Variants in DLC1 observed in about 807,000 individuals in gnomAD.
DLC1 encodes the protein DLC1 Rho GTPase activating protein, also known as rho GTPase-activating protein 7.
A neutral mutation model predicts 140.3 loss-of-function variants in DLC1; 54 were observed. The observed-to-expected ratio is 0.38, with a 90% CI of 0.31 to 0.48. The LOEUF is 0.48. Among genes scored for constraint, DLC1 ranks in the 20% least tolerant of loss-of-function variants. The probability of loss-of-function intolerance (pLI) is 0.96; values close to 1 mark genes in which losing one functional copy is unlikely to be tolerated. For synonymous variants in DLC1, 986 were observed against 728.1 expected (o/e 1.35, Z -5.70); for missense variants, 2,536 against 1,907.0 (o/e 1.33, Z -6.14).
In DLC1 at chr8:13,401,488, G is replaced by T. The variant is rs762188262; in HGVS notation, c.1155C>A (p.Asn385Lys). Residue 385 changes from asparagine to lysine, a missense_variant, in exon 3 of 18, where the codon AAC becomes AAA. Asn to Lys is a moderately conservative substitution (Grantham distance 94). Coordinates refer to ENST00000276297, the MANE Select transcript of DLC1 (RefSeq NM_182643.3). ...AGCTCACAGGAACGTGCCGCCGCAGGTTTGTTGGTGTGCCTGATGGAGAGG... is the reference window on the plus strand; with the variant it reads ...AGCTCACAGGAACGTGCCGCCGCAGTTTTGTTGGTGTGCCTGATGGAGAGG... ...TSSSPSGTPTNLRRHVPDLES... is the reference protein window; with the variant it reads ...TSSSPSGTPTKLRRHVPDLES... 7.4e-6 allele frequency: 12 copies of T among 1,612,422 alleles called. No individual in the cohort carries two copies. Among genetic ancestry groups the T allele is most frequent in the South Asian group, 1.1e-5 (1 of 91,004 alleles).
intron 3 of DLC1, among the ~76,000 whole-genome samples, chr8:13,394,148 C>G (rs368805193): frequency 6.6e-6 from 1 of 152,226 alleles, no homozygotes; most frequent in African/African-American, 2.4e-5. Context: ...ACCTCAATCT[C>G]TTCTATGTTC....
chr8:13,094,770 T>C lies in DLC1; in HGVS notation c.3515A>G (p.Gln1172Arg), dbSNP rs1393766506. 4.3e-6 allele frequency: 7 copies of C among 1,614,196 alleles called. No homozygotes were observed. The highest frequency in any genetic ancestry group is 1.1e-5 in the South Asian group (1 of 91,092). Residue 1172 changes from glutamine (Q) to arginine (R), a missense_variant, in exon 12 of 18, where the codon CAG becomes CGG. Coordinates refer to ENST00000276297, the MANE Select transcript of DLC1 (RefSeq NM_182643.3). ...CAAAGGACACTCACATTGGTAGATC[T>C]GTAGAAAGGTTTCCGAGAGTTTGTT... The part of the protein sequence containing the change: ...MTNKLSETFL[Q>R]IYQYVPKDQR...
chr8:13,339,946 G>A (rs995167157), intron 4 of DLC1: 1 of 152,168 alleles, frequency 6.6e-6, no homozygotes, highest in East Asian at 1.9e-4. Context: ...TAAAATTCCT[G>A]CCATAATCCT....
At chr8:13,530,936 C>T (rs1014512649) in intron 1 of DLC1, among the ~76,000 whole-genome samples, 1 of 152,126 alleles carries the variant, frequency 6.6e-6, no homozygotes, top group African/African-American at 2.4e-5. Context: ...CATGCTGAAG[C>T]TTTAATCCCC....
In DLC1 at chr8:13,562,035, C is replaced by T. The variant is rs145090017; in HGVS notation, c.-126+42502G>A. ...GAGTTACGGGTAGGTTGAAGGTATGCCAAAAAAGGAGATAGAACAGGGGAT... is the reference window on the plus strand; with the variant it reads ...GAGTTACGGGTAGGTTGAAGGTATGTCAAAAAAGGAGATAGAACAGGGGAT... On this transcript the variant is annotated intron_variant, in intron 1 of 1. Transcript: ENST00000631382. Among the ~76,000 whole-genome samples the T allele has an allele frequency of 1.2e-3, 188 of 151,886 alleles. 1 individual carries two copies. The highest frequency in any genetic ancestry group is 4.3e-3 in the African/African-American group (178 of 41,426).
chr8:13,412,728 T>C (rs1012820273), intron 2 of DLC1, among the ~76,000 whole-genome samples: 2 of 151,800 alleles, frequency 1.3e-5, no homozygotes, highest in African/African-American at 4.8e-5. Context: ...GGTCAGGAGA[T>C]AGAGACCTCC....
chr8:13,399,635 G>T (rs1837210970), intron 3 of DLC1, among the ~76,000 whole-genome samples: 1 of 152,100 alleles, frequency 6.6e-6, no homozygotes, highest in Admixed American at 6.6e-5. Context: ...GGCTTGCAAA[G>T]GAGAAAACCA....
chr8:13,156,081 G>C (rs1240066450), intron 5 of DLC1, among the ~76,000 whole-genome samples: 1 of 152,040 alleles, frequency 6.6e-6, no homozygotes, highest in Non-Finnish European at 1.5e-5. Flanking sequence ...TAATCAGCAA[G>C]GTACATCAAC....
intron 2 of DLC1, among the ~76,000 whole-genome samples, chr8:13,493,019 G>T (rs189068882): frequency 6.6e-6 from 1 of 152,288 alleles, no homozygotes; most frequent in Non-Finnish European, 1.5e-5. Flanking sequence ...GAATATGTTG[G>T]ATAAGAACTG....
At chr8:13,581,852 TG>T (rs1179819755) in intron 1 of DLC1, among the ~76,000 whole-genome samples, 7 of 152,168 alleles carry the variant, frequency 4.6e-5, no homozygotes, top group Non-Finnish European at 7.3e-5. Context: ...TTTTCGGTTT[TG>T]TTTTCCTATC....
chr8:13,459,328 C>G (rs909205755), intron 2 of DLC1, among the ~76,000 whole-genome samples: 1 of 152,136 alleles, frequency 6.6e-6, no homozygotes, highest in Non-Finnish European at 1.5e-5. Flanking sequence ...TTCTCTGGAT[C>G]TATCCCAATG....
chr8:13,166,450 C>A (rs1452953588), intron 5 of DLC1, among the ~76,000 whole-genome samples: 1 of 152,152 alleles, frequency 6.6e-6, no homozygotes, highest in African/African-American at 2.4e-5. Flanking sequence ...AAGCTATTCT[C>A]CTGCCTCAAC....
intron 2 of DLC1, among the ~76,000 whole-genome samples, chr8:13,479,619 A>G (rs1041312383): frequency 4.6e-5 from 7 of 152,038 alleles, no homozygotes; most frequent in African/African-American, 1.7e-4. Context: ...TAGGGAGGAA[A>G]AATATCTTGA....
At chr8:13,314,559 C>G (rs1421900269) in intron 4 of DLC1, among the ~76,000 whole-genome samples, 1 of 152,058 alleles carries the variant, frequency 6.6e-6, no homozygotes, top group South Asian at 2.1e-4. Context: ...CAATTATATT[C>G]AAATATAAGC....
intron 4 of DLC1, among the ~76,000 whole-genome samples, chr8:13,353,831 T>G (rs1315689073): frequency 6.7e-6 from 1 of 150,204 alleles, no homozygotes; most frequent in Non-Finnish European, 1.5e-5. Context: ...CACTCCAGCC[T>G]GGGGGACAAG....
rs1832371966 is a variant in DLC1, at chr8:13,305,211, A to G, written c.1348+58T>C. On this transcript the variant is annotated intron_variant, in intron 5 of 17. Transcript: ENST00000276297. ...TATATTTAATAAAATGCCTATTTTAAGGTGAAATTTATTCTAAAATAGATT... is the reference window on the plus strand; with the variant it reads ...TATATTTAATAAAATGCCTATTTTAGGGTGAAATTTATTCTAAAATAGATT... 4 of 1,592,228 alleles carry G rather than the reference A, an allele frequency of 2.5e-6. No homozygotes were observed. The Admixed American group carries it at 5.3e-5, about 21-fold the overall frequency.
At chr8:13,370,893 C>G (rs1359179057) in intron 4 of DLC1, among the ~76,000 whole-genome samples, 3 of 152,156 alleles carry the variant, frequency 2.0e-5, no homozygotes, top group Non-Finnish European at 4.4e-5. Context: ...CTACTCCCCA[C>G]CACAACACAG....
chr8:13,338,506 T>C (rs1485409757), intron 4 of DLC1: 1 of 152,162 alleles, frequency 6.6e-6, no homozygotes, highest in Non-Finnish European at 1.5e-5. Context: ...ATATTACATA[T>C]TATAAAAACC....
intron 2 of DLC1, among the ~76,000 whole-genome samples, chr8:13,455,967 T>G (rs1799367038): frequency 6.6e-6 from 1 of 152,258 alleles, no homozygotes; most frequent in Admixed American, 6.5e-5. Flanking sequence ...AGCCCCAAAT[T>G]TGTGTTAATT....
Sources: allele counts gnomAD v4.1 joint callset (sites outside exome capture counted in the v4.1 genomes callset), GRCh38; gene constraint gnomAD v4.1.1; transcripts MANE v1.5; gene names NCBI Gene and HGNC (gene_info 2026-07-23, HGNC 2026-07-21).